The following PABPC4L variants were observed in gnomAD, a reference collection of about 807,000 sequenced individuals.
PABPC4L encodes the protein polyadenylate-binding protein 4-like.
For missense variants in PABPC4L, 452 were observed against 451.4 expected (o/e 1.00, Z -0.01); for synonymous variants, 169 against 164.1 (o/e 1.03, Z -0.23).
chr4:134,189,507 G>A, the PABPC4L span, among the ~76,000 whole-genome samples: 1 of 151,662 alleles, frequency 6.6e-6, no homozygotes, highest in African/African-American at 2.4e-5. Flanking sequence ...TATAAATGGT[G>A]TATATGTGTG....
chr4:134,124,034 G>A, the PABPC4L span, among the ~76,000 whole-genome samples: 2 of 152,110 alleles, frequency 1.3e-5, no homozygotes, highest in Admixed American at 1.3e-4. Flanking sequence ...AGTTCAAAGT[G>A]ATGCTTTCTT....
the PABPC4L span, among the ~76,000 whole-genome samples, chr4:134,175,972 T>C: frequency 3.9e-5 from 6 of 152,112 alleles, no homozygotes; most frequent in Non-Finnish European, 8.8e-5. Flanking sequence ...GAAAAGAATA[T>C]AAAGCTTTTA....
chr4:134,128,862 C>A, the PABPC4L span, among the ~76,000 whole-genome samples: 5 of 152,046 alleles, frequency 3.3e-5, no homozygotes, highest in Non-Finnish European at 7.4e-5. Context: ...AAATGCTTCA[C>A]TTAAAAGATG....
chr4:133,975,535 C>G, the PABPC4L span, among the ~76,000 whole-genome samples: 1 of 152,078 alleles, frequency 6.6e-6, no homozygotes, highest in Non-Finnish European at 1.5e-5. Flanking sequence ...AAATGACTCT[C>G]TAATTTTTAG....
the PABPC4L span, among the ~76,000 whole-genome samples, chr4:134,050,885 T>A: frequency 1.4e-3 from 144 of 99,870 alleles, no homozygotes; most frequent in African/African-American, 2.8e-3. Context: ...CCTTTATTTT[T>A]TTTTTTTTTT....
At chr4:134,008,095 C>A in the PABPC4L span, among the ~76,000 whole-genome samples, 1 of 151,656 alleles carries the variant, frequency 6.6e-6, no homozygotes, top group Non-Finnish European at 1.5e-5. Flanking sequence ...GCTCTCCACT[C>A]TTAAGTTAAA....
chr4:134,138,416 T>C, the PABPC4L span, among the ~76,000 whole-genome samples: 1 of 151,770 alleles, frequency 6.6e-6, no homozygotes, highest in Non-Finnish European at 1.5e-5. Context: ...AAAGAAAAAC[T>C]TTCTGTCTTT....
the PABPC4L span, among the ~76,000 whole-genome samples, chr4:134,124,170 GC>G: frequency 1.1e-4 from 17 of 152,160 alleles, 1 homozygote; most frequent in South Asian, 3.5e-3. Context: ...AGCTAATCAT[GC>G]AAATTGGGTT....
At chr4:134,186,661 G>A in the PABPC4L span, among the ~76,000 whole-genome samples, 10 of 152,192 alleles carry the variant, frequency 6.6e-5, no homozygotes, top group South Asian at 2.1e-3. Flanking sequence ...AACACCAAAA[G>A]CAATGGCAAC....
chr4:133,995,787 C>A, the PABPC4L span, among the ~76,000 whole-genome samples: 1 of 152,162 alleles, frequency 6.6e-6, no homozygotes, highest in African/African-American at 2.4e-5. Flanking sequence ...CTTGTTCACA[C>A]AACTCATTAT....
the PABPC4L span, among the ~76,000 whole-genome samples, chr4:134,146,925 C>T: frequency 6.6e-6 from 1 of 151,942 alleles, no homozygotes; most frequent in Non-Finnish European, 1.5e-5. Context: ...TTTAAACTAC[C>T]CTTGGCTTGA....
the PABPC4L span, chr4:134,010,470 T>C: frequency 6.6e-6 from 1 of 152,166 alleles, no homozygotes; most frequent in East Asian, 1.9e-4. Flanking sequence ...ATAATTAATT[T>C]CTGGCTGCTG....
At chr4:134,148,608 T>C in the PABPC4L span, among the ~76,000 whole-genome samples, 14 of 152,150 alleles carry the variant, frequency 9.2e-5, no homozygotes, top group Admixed American at 3.3e-4. Context: ...CTTTGTCAGA[T>C]TGTGTCTTAT....
At chr4:134,156,004 A>G in the PABPC4L span, among the ~76,000 whole-genome samples, 1 of 152,098 alleles carries the variant, frequency 6.6e-6, no homozygotes, top group South Asian at 2.1e-4. Context: ...GCATATTTAG[A>G]TTAATAGTAC....
chr4:133,979,943 T>C, the PABPC4L span, among the ~76,000 whole-genome samples: 5 of 152,192 alleles, frequency 3.3e-5, no homozygotes, highest in African/African-American at 1.2e-4. Flanking sequence ...TCAAGTGTTA[T>C]ATGTATTTCT....
chr4:134,121,332 C>A, the PABPC4L span, among the ~76,000 whole-genome samples: 41 of 151,194 alleles, frequency 2.7e-4, no homozygotes, highest in African/African-American at 9.2e-4. Flanking sequence ...TGTCTTCCTT[C>A]GAGTTTTGTA....
the PABPC4L span, among the ~76,000 whole-genome samples, chr4:134,004,695 G>A: frequency 2.0e-5 from 3 of 151,896 alleles, no homozygotes; most frequent in Non-Finnish European, 4.4e-5. Context: ...CAATAAACAA[G>A]ATATGGAACA....
chr4:134,128,412 G>A, the PABPC4L span, among the ~76,000 whole-genome samples: 10 of 152,208 alleles, frequency 6.6e-5, no homozygotes, highest in East Asian at 1.2e-3. Context: ...GCTGTGAGTC[G>A]AAAGCATCAG....
chr4:134,028,106 G>A, the PABPC4L span, among the ~76,000 whole-genome samples: 1 of 152,076 alleles, frequency 6.6e-6, no homozygotes, highest in African/African-American at 2.4e-5. Flanking sequence ...TGTTAGAAAT[G>A]CAAATTCTTG....
Sources: gnomAD v4.1 joint callset for allele counts (sites outside exome capture counted in the v4.1 genomes callset) on GRCh38, gnomAD v4.1.1 for gene constraint, MANE v1.5 for transcripts, NCBI Gene and HGNC (gene_info 2026-07-23, HGNC 2026-07-21) for gene names.